CAMK1D: variants seen among roughly 807,000 people sequenced by gnomAD.
CAMK1D encodes calcium/calmodulin dependent protein kinase ID, also known as calcium/calmodulin-dependent protein kinase type 1D.
In CAMK1D, 9 loss-of-function variants were observed where a neutral mutation model predicts 47.7. That is an observed-to-expected ratio of 0.19 (90% CI 0.11 to 0.33). CAMK1D has a LOEUF of 0.33. Ranked by LOEUF, CAMK1D falls within the 10% of genes least tolerant of loss-of-function variation. The pLI is 1.00. For synonymous variants in CAMK1D, 184 were observed against 184.9 expected, an observed-to-expected ratio of 0.99 and a Z score of 0.04; for missense variants, 291 against 488.7, an observed-to-expected ratio of 0.60 and a Z score of 3.81.
At chr10:12,607,626 T>G (rs1459905484) in intron 2 of CAMK1D, among the ~76,000 whole-genome samples, 2 of 152,238 alleles carry the variant, frequency 1.3e-5, no homozygotes, top group African/African-American at 4.8e-5. Context: ...AAATGTATCC[T>G]GGAACTTTCC....
chr10:12,452,645 G>A (rs1833118866), intron 1 of CAMK1D, among the ~76,000 whole-genome samples: 3 of 151,888 alleles, frequency 2.0e-5, no homozygotes, highest in Non-Finnish European at 2.9e-5. Flanking sequence ...GAGTGCAGTG[G>A]TGCAGTCTTG....
chr10:12,576,150 C>T (rs926248915), intron 2 of CAMK1D, among the ~76,000 whole-genome samples: 4 of 152,072 alleles, frequency 2.6e-5, no homozygotes, highest in African/African-American at 9.7e-5. Flanking sequence ...TATGTTGTTT[C>T]TTTGATCGAA....
At chr10:12,477,518 G>A (rs1459044738) in intron 1 of CAMK1D, among the ~76,000 whole-genome samples, 1 of 152,230 alleles carries the variant, frequency 6.6e-6, no homozygotes, top group Non-Finnish European at 1.5e-5. Flanking sequence ...CTCCCCTGGA[G>A]TGTGGTCCCA....
chr10:12,351,485 C>T (rs1384472141), intron 1 of CAMK1D, among the ~76,000 whole-genome samples: 1 of 152,118 alleles, frequency 6.6e-6, no homozygotes, highest in Non-Finnish European at 1.5e-5. Context: ...GCACTGTGGC[C>T]GCCAATGAGG....
At chr10:12,549,745 C>A (rs1174340856) in intron 1 of CAMK1D, among the ~76,000 whole-genome samples, 1 of 152,202 alleles carries the variant, frequency 6.6e-6, no homozygotes, top group African/African-American at 2.4e-5. Flanking sequence ...CATGGGGCGC[C>A]ACATAGCCCA....
At chr10:12,811,241 T>A (rs72773679) in intron 6 of CAMK1D, among the ~76,000 whole-genome samples, 5,822 of 152,316 alleles carry the variant, frequency 0.038, 140 homozygotes, top group Non-Finnish European at 0.057. Flanking sequence ...GAAGCCACAC[T>A]TCTGGAACAT....
chr10:12,501,195 GTT>G (rs1834692750), intron 1 of CAMK1D, among the ~76,000 whole-genome samples: 1 of 152,178 alleles, frequency 6.6e-6, no homozygotes, highest in Admixed American at 6.5e-5. Context: ...GCAATTTCCT[GTT>G]TATTTTAGTT....
chr10:12,761,257 G>T (rs1293318333), intron 4 of CAMK1D, among the ~76,000 whole-genome samples, 171 bp downstream of exon 4: 1 of 152,228 alleles, frequency 6.6e-6, no homozygotes, highest in East Asian at 1.9e-4. Flanking sequence ...TCCAGACCCA[G>T]AAGTATCTTG....
chr10:12,583,025 C>T lies in CAMK1D; in HGVS notation c.224+29669C>T, dbSNP rs147263830. Among the ~76,000 whole-genome samples, 219 of 152,244 alleles carry T rather than the reference C, an allele frequency of 1.4e-3. 1 individual carries two copies. The highest frequency in any genetic ancestry group is 2.5e-3 in the Non-Finnish European group (168 of 68,026). ...GGCCAAGGCTGGAGGATCACTTGAG[C>T]CCAGGAGTTGAGGACCAGCCTAGGC... is the stretch of plus-strand genomic sequence containing the variant. On this transcript the variant is annotated intron_variant, in intron 2 of 10. Transcript: ENST00000619168.
intron 3 of CAMK1D, among the ~76,000 whole-genome samples, chr10:12,667,195 T>G (rs1300543302): frequency 6.6e-6 from 1 of 152,246 alleles, no homozygotes; most frequent in Non-Finnish European, 1.5e-5. Flanking sequence ...ACCCTTGTCA[T>G]CCTTTCCAGG....
chr10:12,613,253 T>C (rs1245110776), intron 2 of CAMK1D, among the ~76,000 whole-genome samples: 1 of 152,242 alleles, frequency 6.6e-6, no homozygotes, highest in East Asian at 1.9e-4. Context: ...ACCTTCTAAA[T>C]TGGCACCTAA....
In CAMK1D at chr10:12,829,165, C is replaced by T. The variant is rs1300246180; in HGVS notation, c.*278C>T. 2.6e-5 allele frequency: 9 copies of T among 342,998 alleles called. No homozygotes were observed. The highest frequency in any genetic ancestry group is 6.5e-5 in the African/African-American group (3 of 46,304). The allele number at this position is 342,998 out of a possible 1,614,324, so 21.2% of individuals were successfully genotyped here. On this transcript the variant is annotated 3_prime_UTR_variant, in exon 11 of 11. Transcript: ENST00000619168. ...TAACTGAACGGACCTTCTTATTCCT[C>T]TCCCCTAACACCATCGTTTCCACTC... is the stretch of plus-strand genomic sequence containing the variant.
chr10:12,382,685 C>T lies in CAMK1D; in HGVS notation c.92+32775C>T, dbSNP rs146335782. 5.0e-3 allele frequency among the ~76,000 whole-genome samples: 763 copies of T among 152,096 alleles called. 8 individuals are homozygous for T. Among genetic ancestry groups the T allele is most frequent in the African/African-American group, 0.017 (722 of 41,472 alleles). On this transcript the variant is annotated intron_variant, in intron 1 of 10. Coordinates refer to ENST00000619168, the MANE Select transcript of CAMK1D (RefSeq NM_153498.4). ...ACTAAAAATACAAAAATTAGCTGGGCGTGGTGGCGGACCTCTGTAATCTGA... is the reference window on the plus strand; with the variant it reads ...ACTAAAAATACAAAAATTAGCTGGGTGTGGTGGCGGACCTCTGTAATCTGA...
Position 12,834,411 on chromosome 10 carries a change from C to A in CAMK1D, c.*5524C>A, listed in dbSNP as rs978933151. Reference sequence around the variant, plus strand: ...GCAGCTCAGTTTGTGGCTCTGGGAGCTCCGCTTTTGCAAACCCAAAAAGGC... The same window carrying A: ...GCAGCTCAGTTTGTGGCTCTGGGAGATCCGCTTTTGCAAACCCAAAAAGGC... On this transcript the variant is annotated 3_prime_UTR_variant, in exon 11 of 11. Transcript: ENST00000619168. The A allele has an allele frequency of 6.6e-6, 1 of 152,204 alleles. No individual in the cohort carries two copies. The highest frequency in any genetic ancestry group is 1.5e-5 in the Non-Finnish European group (1 of 68,048). 9.4% of individuals were successfully genotyped at this position (152,204 alleles called of 1,614,324 possible).
intron 1 of CAMK1D, among the ~76,000 whole-genome samples, chr10:12,461,125 G>C (rs1833408665): frequency 6.6e-6 from 1 of 152,172 alleles, no homozygotes; most frequent in African/African-American, 2.4e-5. Context: ...GTGAGGACAG[G>C]ATCGTCCTCA....
chr10:12,511,662 C>T (rs553023618), intron 1 of CAMK1D, among the ~76,000 whole-genome samples: 2 of 152,304 alleles, frequency 1.3e-5, no homozygotes, highest in African/African-American at 4.8e-5. Flanking sequence ...CTCCTCCAAT[C>T]CAGTTGGATC....
chr10:12,705,229 G>A (rs1015508587), intron 3 of CAMK1D, among the ~76,000 whole-genome samples: 3 of 152,164 alleles, frequency 2.0e-5, no homozygotes, highest in African/African-American at 7.2e-5. Flanking sequence ...GGGAGGCTGA[G>A]GCAGGCAGAT....
At chr10:12,610,476 C>A (rs897838284) in intron 2 of CAMK1D, among the ~76,000 whole-genome samples, 10 of 152,134 alleles carry the variant, frequency 6.6e-5, no homozygotes, top group African/African-American at 2.4e-4. Flanking sequence ...TCAGAAAAAC[C>A]CACCATGTTA....
chr10:12,714,805 C>CACACACACACAA (rs1169447579), intron 3 of CAMK1D, among the ~76,000 whole-genome samples: 1 of 148,918 alleles, frequency 6.7e-6, no homozygotes, highest in African/African-American at 2.5e-5. Flanking sequence ...CACACACACA[C>CACACACACACAA]AATGTCTGAT....
Sources: gnomAD v4.1 joint callset for allele counts (sites outside exome capture counted in the v4.1 genomes callset) on GRCh38, gnomAD v4.1.1 for gene constraint, MANE v1.5 for transcripts, NCBI Gene and HGNC (gene_info 2026-07-23, HGNC 2026-07-21) for gene names.